Variants in SEC31A observed in about 807,000 individuals in gnomAD.
SEC31A encodes the protein SEC31 homolog A, COPII component.
SEC31A carries 70 observed loss-of-function variants against 151.0 expected under a neutral mutation model. The ratio of observed to expected loss-of-function variants is 0.46; its 90% CI spans 0.38 to 0.57. SEC31A has a LOEUF of 0.57. Among genes scored for constraint, SEC31A ranks in the 20% least tolerant of loss-of-function variants. SEC31A has a pLI of 0.00. For missense variants in SEC31A, 1,330 were observed against 1,471.2 expected (o/e 0.90, Z 1.57); for synonymous variants, 475 against 505.9 (o/e 0.94, Z 0.82).
intron 22 of SEC31A, among the ~76,000 whole-genome samples, chr4:82,833,943 G>A (rs182903420): frequency 6.6e-6 from 1 of 152,322 alleles, no homozygotes; most frequent in African/African-American, 2.4e-5. Flanking sequence ...ATCTCATTGT[G>A]TAGAGTGCAA....
chr4:82,839,852 A>G (rs1161638312), intron 22 of SEC31A, among the ~76,000 whole-genome samples: 1 of 152,254 alleles, frequency 6.6e-6, no homozygotes, highest in Non-Finnish European at 1.5e-5. Flanking sequence ...GTTACTTTGT[A>G]TATAAACAAA....
At chr4:82,857,550 C>T (rs1578255774) in intron 15 of SEC31A, 139 bp downstream of exon 15, 1 of 639,142 alleles carries the variant, frequency 1.6e-6, no homozygotes, top group East Asian at 2.7e-5. Context: ...AAGTGATCCT[C>T]CTGCCTCAAC....
At chr4:82,865,883 A>G (rs1187468725) in intron 10 of SEC31A, among the ~76,000 whole-genome samples, 1 of 152,084 alleles carries the variant, frequency 6.6e-6, no homozygotes, top group Non-Finnish European at 1.5e-5. Context: ...TATAGTTAAC[A>G]CTACTGTAGT....
intron 8 of SEC31A, among the ~76,000 whole-genome samples, chr4:82,869,640 T>C (rs1415874076): frequency 6.6e-6 from 1 of 152,118 alleles, no homozygotes; most frequent in Non-Finnish European, 1.5e-5. Flanking sequence ...ACAAATGATA[T>C]GCGGTAAAAT....
intron 4 of SEC31A, chr4:82,877,692 C>T (rs189889025): frequency 7.1e-4 from 76 of 106,946 alleles, no homozygotes; most frequent in Admixed American, 5.9e-3. Flanking sequence ...GTTAAATCTG[C>T]ATTACATTTC....
At chr4:82,856,870 T>C in intron 16 of SEC31A, 82 bp downstream of exon 16, 2 of 1,173,418 alleles carry the variant, frequency 1.7e-6, no homozygotes, top group Admixed American at 2.7e-5. Flanking sequence ...GGTTTCTGCA[T>C]TTCAGTTATC....
chr4:82,866,114 G>T (rs28842294), intron 10 of SEC31A, among the ~76,000 whole-genome samples: 66,093 of 149,062 alleles, frequency 0.44, 16,777 homozygotes, highest in Admixed American at 0.59. Flanking sequence ...AGGGAGGGAG[G>T]GAGGGAAAGA....
chr4:82,874,665 T>A lies in SEC31A; in HGVS notation c.585A>T (p.Val195=). The change falls in exon 6 of 27, where the codon GTA becomes GTT. Residue 195 remains valine (V), a synonymous_variant. Coordinates refer to ENST00000395310, the MANE Select transcript of SEC31A (RefSeq NM_001077207.4). ...TTGGCTCATTTTTTCTAAGATCCCATACAGTGGCCCGGCCACTGGGACTGG... is the reference window on the plus strand; with the variant it reads ...TTGGCTCATTTTTTCTAAGATCCCAAACAGTGGCCCGGCCACTGGGACTGG... ...ASASPSGRAT[V]WDLRKNEPII... 6.2e-7 allele frequency: 1 copy of A among 1,613,332 alleles called. No individual in the cohort carries two copies. Among genetic ancestry groups the A allele is most frequent in the East Asian group, 2.2e-5 (1 of 44,854 alleles).
At chr4:82,836,328 G>A (rs763040557) in intron 22 of SEC31A, among the ~76,000 whole-genome samples, 5 of 131,374 alleles carry the variant, frequency 3.8e-5, no homozygotes, top group South Asian at 4.7e-4. Context: ...AGCCGAGATC[G>A]CCCCACTGCA....
chr4:82,858,439 G>T (rs1037348673), intron 14 of SEC31A, among the ~76,000 whole-genome samples: 1 of 150,036 alleles, frequency 6.7e-6, no homozygotes, highest in African/African-American at 2.4e-5. Context: ...ACCTACTCGG[G>T]AGGCTGAGGC....
intron 21 of SEC31A, 139 bp from the exon 22 acceptor site, chr4:82,842,620 C>T: frequency 1.4e-6 from 1 of 694,056 alleles, no homozygotes; most frequent in Non-Finnish European, 2.3e-6. Flanking sequence ...AAATTTACAC[C>T]ATTATATTTT....
chr4:82,887,452 A>G (rs1444324169), intron 1 of SEC31A, among the ~76,000 whole-genome samples: 1 of 152,246 alleles, frequency 6.6e-6, no homozygotes, highest in Non-Finnish European at 1.5e-5. Context: ...TTGTTCATAC[A>G]TGCCATCTCC....
intron 19 of SEC31A, among the ~76,000 whole-genome samples, chr4:82,851,181 A>T (rs1026057669): frequency 2.0e-5 from 3 of 152,162 alleles, no homozygotes; most frequent in African/African-American, 7.2e-5. Context: ...TTCCCTGTTC[A>T]TTTTCCTAAA....
chr4:82,857,883 A>T, intron 14 of SEC31A, 119 bp from the exon 15 acceptor site: 2 of 619,354 alleles, frequency 3.2e-6, no homozygotes, highest in Non-Finnish European at 5.7e-6. Context: ...AAGTTATTCC[A>T]GAAAAGTTCT....
chr4:82,853,549 CT>C lies in SEC31A; in HGVS notation c.2154+20del. On this transcript the variant is annotated intron_variant, in intron 18 of 26. Coordinates refer to ENST00000395310, the MANE Select transcript of SEC31A (RefSeq NM_001077207.4). ...AAAGACAACACTAAAAATTAAGTGC[CT>C]TTTGTTTCAAAGATACTACCTGAAG... The C allele has an allele frequency of 6.5e-7, 1 of 1,538,790 alleles. No individual in the cohort carries two copies. Among genetic ancestry groups the C allele is most frequent in the Non-Finnish European group, 8.7e-7 (1 of 1,152,994 alleles).
chr4:82,870,752 T>C (rs966716917), intron 7 of SEC31A, among the ~76,000 whole-genome samples: 3 of 152,044 alleles, frequency 2.0e-5, no homozygotes, highest in Admixed American at 2.0e-4. Flanking sequence ...ATAAAATAAA[T>C]GCAATATTTT....
chr4:82,858,035 T>TA, intron 14 of SEC31A: 1 of 255,906 alleles, frequency 3.9e-6, no homozygotes, highest in South Asian at 4.6e-5. Context: ...CTCAGCACTT[T>TA]AGGAGGCCAA....
At chr4:82,884,958 A>G (rs1371652603) in intron 1 of SEC31A, among the ~76,000 whole-genome samples, 1 of 152,210 alleles carries the variant, frequency 6.6e-6, no homozygotes, top group Non-Finnish European at 1.5e-5. Context: ...GTATCTCCTG[A>G]AACTTTTGCT....
At chr4:82,820,096 T>C (rs1370219497) in intron 26 of SEC31A, among the ~76,000 whole-genome samples, 3 of 151,474 alleles carry the variant, frequency 2.0e-5, no homozygotes, top group Non-Finnish European at 4.4e-5. Flanking sequence ...TGTTTTAATA[T>C]ATACTCATCT....
Sources: allele counts gnomAD v4.1 joint callset (sites outside exome capture counted in the v4.1 genomes callset), GRCh38; gene constraint gnomAD v4.1.1; transcripts MANE v1.5; gene names NCBI Gene and HGNC (gene_info 2026-07-23, HGNC 2026-07-21).